SLCO1A2: variants seen among roughly 807,000 people sequenced by gnomAD.
The protein encoded by SLCO1A2 is solute carrier organic anion transporter family member 1A2.
Under a neutral mutation model 69.0 loss-of-function variants are expected in SLCO1A2, and 67 were observed. That is an observed-to-expected ratio of 0.97 (90% CI 0.80 to 1.19). SLCO1A2 has a LOEUF of 1.19. Ranked by LOEUF, SLCO1A2 falls within the 50% of genes most tolerant of loss-of-function variation. The pLI is 0.00. For missense variants in SLCO1A2, 787 were observed against 793.7 expected, an observed-to-expected ratio of 0.99 and a Z score of 0.10; for synonymous variants, 260 against 265.9, an observed-to-expected ratio of 0.98 and a Z score of 0.22.
chr12:21,334,469 A>G (rs981272012), intron 2 of SLCO1A2, 119 bp downstream of exon 2: 1 of 681,008 alleles, frequency 1.5e-6, no homozygotes, highest in Non-Finnish European at 2.5e-6. Context: ...TATCAATAGA[A>G]CAGGCAATAT....
intron 12 of SLCO1A2, among the ~76,000 whole-genome samples, chr12:21,283,837 AAT>A (rs1289341569): frequency 2.0e-5 from 3 of 152,218 alleles, no homozygotes; most frequent in Non-Finnish European, 4.4e-5. Context: ...TCAAGAGAGG[AAT>A]GCAAATCAAA....
chr12:21,401,101 G>C (rs1941687114), intron 1 of SLCO1A2, among the ~76,000 whole-genome samples: 1 of 151,586 alleles, frequency 6.6e-6, no homozygotes, highest in Non-Finnish European at 1.5e-5. Context: ...ATTCATCACT[G>C]TTGTGGTATT....
At chr12:21,330,362 A>AAAT (rs1952529786) in intron 2 of SLCO1A2, among the ~76,000 whole-genome samples, 5 of 148,590 alleles carry the variant, frequency 3.4e-5, no homozygotes, top group African/African-American at 1.0e-4. Context: ...AATAAATAAA[A>AAAT]AAGCTTGGCT....
At chr12:21,336,490 G>A (rs1169286996), upstream of SLCO1A2, among the ~76,000 whole-genome samples, 2 of 151,882 alleles carry the variant, frequency 1.3e-5, no homozygotes, top group Non-Finnish European at 2.9e-5. Flanking sequence ...TATCTTAACT[G>A]AAGTAAGAGG....
chr12:21,330,937 C>T (rs1056626951), intron 2 of SLCO1A2, among the ~76,000 whole-genome samples: 2 of 152,086 alleles, frequency 1.3e-5, no homozygotes, highest in Non-Finnish European at 2.9e-5. Flanking sequence ...CTTTCTTGAA[C>T]GAGTCATTTT....
intron 8 of SLCO1A2, 127 bp downstream of exon 8, chr12:21,300,221 G>A (rs1021733234): frequency 3.4e-6 from 2 of 587,504 alleles, no homozygotes; most frequent in Non-Finnish European, 5.7e-6. Context: ...AGGTATTCTT[G>A]ACTGGTGACT....
chr12:21,321,026 G>C (rs758138263), intron 2 of SLCO1A2, among the ~76,000 whole-genome samples: 1 of 152,072 alleles, frequency 6.6e-6, no homozygotes, highest in Non-Finnish European at 1.5e-5. Context: ...TCTGCTACAG[G>C]CTGGTGTTTC....
chr12:21,400,060 G>A (rs12302944), upstream of SLCO1A2, among the ~76,000 whole-genome samples: 64,914 of 149,154 alleles, frequency 0.44, 14,292 homozygotes, highest in Middle Eastern at 0.52. Context: ...TCTGCACAGC[G>A]AAAGAAACTA....
At chr12:21,404,124 T>C (rs1325119439) in intron 1 of SLCO1A2, among the ~76,000 whole-genome samples, 1 of 152,162 alleles carries the variant, frequency 6.6e-6, no homozygotes, top group African/African-American at 2.4e-5. Flanking sequence ...ATCAGTAACT[T>C]TCTAGCTGGA....
At chr12:21,283,559 A>C (rs1173429819) in intron 12 of SLCO1A2, among the ~76,000 whole-genome samples, 1 of 152,172 alleles carries the variant, frequency 6.6e-6, no homozygotes, top group Non-Finnish European at 1.5e-5. Context: ...TAATGAAAAA[A>C]AAATGGATAA....
chr12:21,295,592 CA>C lies in SLCO1A2; in HGVS notation c.1271+4del, dbSNP rs1477821323. ...GATTCTCACATTCATTAGAAAACAA[CA>C]TACCCTTCATAAGAGGTATTTATTC... On this transcript the variant is annotated splice_donor_region_variant and intron_variant, in intron 10 of 14. Coordinates refer to ENST00000683939, the MANE Select transcript of SLCO1A2 (RefSeq NM_001386879.1). 1.3e-6 allele frequency: 2 copies of C among 1,538,102 alleles called. No individual in the cohort carries two copies. The highest frequency in any genetic ancestry group is 4.5e-5 in the East Asian group (2 of 44,330).
chr12:21,353,211 T>C (rs935113589), intron 2 of SLCO1A2, among the ~76,000 whole-genome samples: 1 of 152,156 alleles, frequency 6.6e-6, no homozygotes, highest in Admixed American at 6.5e-5. Context: ...TTTTATCATA[T>C]CTACTTAAGT....
intron 12 of SLCO1A2, among the ~76,000 whole-genome samples, chr12:21,279,111 A>G (rs546657900): frequency 2.6e-5 from 4 of 152,156 alleles, no homozygotes; most frequent in African/African-American, 7.2e-5. Context: ...CAAGCAGAAG[A>G]GAGATTTAGT....
intron 2 of SLCO1A2, among the ~76,000 whole-genome samples, chr12:21,358,054 C>G (rs970604384): frequency 6.6e-6 from 1 of 152,102 alleles, no homozygotes; most frequent in Admixed American, 6.6e-5. Context: ...CTTTTCAAAA[C>G]TTTACTCACA....
chr12:21,360,034 A>C (rs1310368804), intron 2 of SLCO1A2, among the ~76,000 whole-genome samples: 1 of 152,202 alleles, frequency 6.6e-6, no homozygotes, highest in Non-Finnish European at 1.5e-5. Context: ...AAAGTCAGGC[A>C]AAAAGGAATA....
intron 11 of SLCO1A2, among the ~76,000 whole-genome samples, chr12:21,293,218 G>A (rs1408929060): frequency 6.6e-6 from 1 of 152,062 alleles, no homozygotes; most frequent in African/African-American, 2.4e-5. Flanking sequence ...CAGGAGAATC[G>A]TTTATACCTG....
At chr12:21,363,388 T>G (rs1235553196) in intron 2 of SLCO1A2, among the ~76,000 whole-genome samples, 2 of 152,124 alleles carry the variant, frequency 1.3e-5, no homozygotes, top group African/African-American at 4.8e-5. Context: ...TGGGACACAT[T>G]TAAAGCTGTA....
rs764159177 is a variant in SLCO1A2 at position 21,269,779 on chromosome 12, A to G, written c.1794-12T>C. 3.8e-6 allele frequency: 6 copies of G among 1,598,066 alleles called. No individual in the cohort carries two copies. The highest frequency in any genetic ancestry group is 2.7e-5 in the African/African-American group (2 of 74,060). On this transcript the variant is annotated splice_polypyrimidine_tract_variant and intron_variant, in intron 14 of 14. Coordinates refer to ENST00000683939, the MANE Select transcript of SLCO1A2 (RefSeq NM_001386879.1). Reference sequence around the variant, plus strand: ...CGAGGTAGATGTATCTATTTTTTTAAAAGTTAAAACATATTAAATATTACA... The same window carrying G: ...CGAGGTAGATGTATCTATTTTTTTAGAAGTTAAAACATATTAAATATTACA...
chr12:21,293,452 G>T (rs1947223531), intron 11 of SLCO1A2, among the ~76,000 whole-genome samples: 1 of 151,946 alleles, frequency 6.6e-6, no homozygotes, highest in Non-Finnish European at 1.5e-5. Context: ...TACAATTGAT[G>T]TTATATTATA....
Sources: gnomAD v4.1 joint callset for allele counts (sites outside exome capture counted in the v4.1 genomes callset) on GRCh38, gnomAD v4.1.1 for gene constraint, MANE v1.5 for transcripts, NCBI Gene and HGNC (gene_info 2026-07-23, HGNC 2026-07-21) for gene names.